PRRC2B: variants seen among roughly 807,000 people sequenced by gnomAD.
PRRC2B encodes protein PRRC2B.
A neutral mutation model predicts 242.3 loss-of-function variants in PRRC2B; 68 were observed. That is an observed-to-expected ratio of 0.28 (90% CI 0.23 to 0.34). The LOEUF is 0.34. Ranked by LOEUF, PRRC2B falls within the 10% of genes least tolerant of loss-of-function variation. The probability of loss-of-function intolerance (pLI) is 1.00; values close to 1 mark genes in which losing one functional copy is unlikely to be tolerated. For synonymous variants in PRRC2B, 1,228 were observed against 1,173.6 expected, an observed-to-expected ratio of 1.05 and a Z score of -0.95; for missense variants, 2,835 against 2,954.8, an observed-to-expected ratio of 0.96 and a Z score of 0.94.
At chr9:131,461,464 G>A (rs1943239611) in intron 11 of PRRC2B, among the ~76,000 whole-genome samples, 1 of 152,228 alleles carries the variant, frequency 6.6e-6, no homozygotes, top group Admixed American at 6.5e-5. Flanking sequence ...CTGTTGAGGA[G>A]TGGGAGGGCT....
At chr9:131,379,589 T>A (rs1482002514) in intron 1 of PRRC2B, among the ~76,000 whole-genome samples, 1 of 152,202 alleles carries the variant, frequency 6.6e-6, no homozygotes, top group African/African-American at 2.4e-5. Context: ...TGTGTATATC[T>A]TCTTTGAAGA....
intron 9 of PRRC2B, among the ~76,000 whole-genome samples, chr9:131,449,910 A>G (rs1380314731): frequency 6.6e-6 from 1 of 152,228 alleles, no homozygotes; most frequent in African/African-American, 2.4e-5. Context: ...ATGGCATAAG[A>G]TAGGAGTCAA....
At chr9:131,386,440 C>T (rs1404911353) in intron 1 of PRRC2B, among the ~76,000 whole-genome samples, 1 of 150,152 alleles carries the variant, frequency 6.7e-6, no homozygotes, top group Non-Finnish European at 1.5e-5. Context: ...TTTTAACTCC[C>T]AGGGATGCAG....
In PRRC2B at chr9:131,475,958, G is replaced by A; in HGVS notation, c.3829G>A (p.Glu1277Lys). 6.2e-7 allele frequency: 1 copy of A among 1,612,918 alleles called. No individual in the cohort carries two copies. Among genetic ancestry groups the A allele is most frequent in the South Asian group, 1.1e-5 (1 of 91,082 alleles). ...CCGGGGCTTTGAGGACAGCCGCGCG[G>A]AGGACAAGAGATCCTTCTTCCAAGA... Reference protein sequence around the residue: ...GGRGFEDSRAEDKRSFFQDEH... With the variant: ...GGRGFEDSRAKDKRSFFQDEH... The change falls in exon 16 of 32, where the codon GAG becomes AAG. Residue 1277 changes from glutamate (E) to lysine (K), a missense_variant. Glu to Lys is a moderately conservative substitution (Grantham distance 56, BLOSUM62 1). This residue lies in a region of PRRC2B where 1,536 missense variants were observed against 1,483.1 expected (regional missense o/e 1.04). Coordinates refer to ENST00000683519, the MANE Select transcript of PRRC2B (RefSeq NM_013318.4).
At chr9:131,465,881 C>T (rs766978772) in intron 12 of PRRC2B, among the ~76,000 whole-genome samples, 1 of 152,090 alleles carries the variant, frequency 6.6e-6, no homozygotes, top group African/African-American at 2.4e-5. Flanking sequence ...TGTGCCACGA[C>T]GCCCAGCTAA....
chr9:131,378,275 T>C (rs1006633546), intron 1 of PRRC2B, among the ~76,000 whole-genome samples: 5 of 149,494 alleles, frequency 3.3e-5, no homozygotes, highest in African/African-American at 1.2e-4. Context: ...CACCATTGCA[T>C]TCCAGCCCGG....
chr9:131,398,226 GGTGGCAC>G (rs1487388692), intron 1 of PRRC2B, among the ~76,000 whole-genome samples: 3 of 152,198 alleles, frequency 2.0e-5, no homozygotes, highest in African/African-American at 7.2e-5. Flanking sequence ...TATACCTCTG[GGTGGCAC>G]GTGGGAAATC....
chr9:131,424,158 T>C (rs1052655853), intron 1 of PRRC2B, among the ~76,000 whole-genome samples: 5 of 152,156 alleles, frequency 3.3e-5, no homozygotes. Context: ...CTCAGGCTGG[T>C]CTTGAACTCT....
chr9:131,420,609 C>T (rs1157330688), intron 1 of PRRC2B, among the ~76,000 whole-genome samples: 2 of 149,322 alleles, frequency 1.3e-5, no homozygotes, highest in Non-Finnish European at 3.0e-5. Context: ...CCTGTCTCAG[C>T]CTCCTGAGTA....
At chr9:131,480,455 G>A (rs1355526199) in intron 19 of PRRC2B, among the ~76,000 whole-genome samples, 5 of 151,868 alleles carry the variant, frequency 3.3e-5, no homozygotes, top group Non-Finnish European at 5.9e-5. Flanking sequence ...TGGTTGAGCT[G>A]CCAGGTGTGA....
chr9:131,387,351 C>T (rs1281733996), intron 1 of PRRC2B, among the ~76,000 whole-genome samples: 1 of 150,206 alleles, frequency 6.7e-6, no homozygotes, highest in Non-Finnish European at 1.5e-5. Flanking sequence ...TCCGTGGCAG[C>T]TGATTGGATT....
intron 5 of PRRC2B, among the ~76,000 whole-genome samples, chr9:131,440,313 T>A (rs913119876): frequency 6.6e-6 from 1 of 152,140 alleles, no homozygotes; most frequent in African/African-American, 2.4e-5. Flanking sequence ...TTTTTTGTTT[T>A]GTTTTTGTTT....
intron 15 of PRRC2B, among the ~76,000 whole-genome samples, chr9:131,474,163 G>A (rs912621333): frequency 2.6e-5 from 4 of 152,088 alleles, no homozygotes; most frequent in African/African-American, 9.7e-5. Flanking sequence ...TCTCCAGGGG[G>A]CACACCGTAC....
Position 131,465,063 on chromosome 9 carries a change from C to G in PRRC2B, c.1705C>G (p.Pro569Ala), listed in dbSNP as rs755658188. 50 of 1,612,970 alleles carry G rather than the reference C, an allele frequency of 3.1e-5. No individual in the cohort carries two copies. The highest frequency in any genetic ancestry group is 4.2e-5 in the Non-Finnish European group (49 of 1,179,306). ...GAAGGCATCTCCCCAGGAAAACGGC[C>G]CTGCTGTCCACAAAGGTAAGAGCTG... ...AEKASPQENG[P>A]AVHKGSPEFP... The change falls in exon 12 of 32, where the codon CCT becomes GCT. Residue 569 changes from proline (P) to alanine (A), a missense_variant. Physicochemically the swap from Pro to Ala is conservative, Grantham distance 27. This residue lies in a region of PRRC2B where 1,536 missense variants were observed against 1,483.1 expected (regional missense o/e 1.04). Coordinates refer to ENST00000683519, the MANE Select transcript of PRRC2B (RefSeq NM_013318.4).
intron 1 of PRRC2B, among the ~76,000 whole-genome samples, chr9:131,376,335 C>CA (rs1836684157): frequency 7.1e-6 from 1 of 141,652 alleles, no homozygotes; most frequent in Non-Finnish European, 1.5e-5. Context: ...GCCTGGGTGA[C>CA]AGAGTGAGAC....
In PRRC2B at chr9:131,482,473, C is replaced by T. The variant is rs752000049; in HGVS notation, c.5086C>T (p.Leu1696=). Residue 1696 remains leucine (L), a synonymous_variant, in exon 21 of 32, where the codon CTG becomes TTG. Transcript: ENST00000683519. This position sits in a 1 kb window ranked among gnomAD's most constrained non-coding sequence, Gnocchi z 5.2. ...GCAGCGCAGCTCCCCATATGGGACT[C>T]TGAAGCCAGAGGAGATGAGCGGGCC... ...SSQRSSPYGT[L]KPEEMSGPGL... The T allele has an allele frequency of 8.7e-6, 14 of 1,612,280 alleles. No individual in the cohort carries two copies. The highest frequency in any genetic ancestry group is 1.2e-5 in the Non-Finnish European group (14 of 1,178,400).
Position 131,475,599 on chromosome 9 carries a change from A to T in PRRC2B, c.3470A>T (p.Asn1157Ile), listed in dbSNP as rs567765615. Reference protein sequence around the residue: ...RRRQRGSENGNEGSLLEREES... With the variant: ...RRRQRGSENGIEGSLLEREES... ...CGGCAGAGGGGCTCCGAGAACGGGA[A>T]TGAAGGCTCGCTCCTGGAGAGGGAG... The change falls in exon 16 of 32, where the codon AAT becomes ATT. Residue 1157 changes from asparagine to isoleucine, a missense_variant. Around this residue, in one of 7 missense-constraint regions of PRRC2B, gnomAD observed 1,536 missense variants for 1,483.1 expected, o/e 1.04. Transcript: ENST00000683519. 5.0e-6 allele frequency: 8 copies of T among 1,612,852 alleles called. No homozygotes were observed. The South Asian group carries it at 8.8e-5, about 18-fold the overall frequency.
At chr9:131,375,584 A>G (rs1254653468) in intron 1 of PRRC2B, among the ~76,000 whole-genome samples, 2 of 152,136 alleles carry the variant, frequency 1.3e-5, no homozygotes. Context: ...TCGCCATGTT[A>G]TCTGTCCTTA....
intron 5 of PRRC2B, among the ~76,000 whole-genome samples, chr9:131,441,480 C>T (rs188688096): frequency 9.9e-5 from 15 of 152,276 alleles, no homozygotes; most frequent in African/African-American, 3.6e-4. Context: ...TGGTTGAGCC[C>T]AGGAGTTTAA....
Sources: allele counts gnomAD v4.1 joint callset (sites outside exome capture counted in the v4.1 genomes callset), GRCh38; gene constraint gnomAD v4.1.1; regional missense constraint gnomAD v4.1.1; non-coding constraint Gnocchi (gnomAD v3.1); transcripts MANE v1.5; gene names NCBI Gene and HGNC (gene_info 2026-07-23, HGNC 2026-07-21).